The following DMD variants were observed in gnomAD, a reference collection of about 807,000 sequenced individuals.
DMD encodes the protein dystrophin, also known as mutant dystrophin.
A neutral mutation model predicts 330.1 loss-of-function variants in DMD; 63 were observed. That is an observed-to-expected ratio of 0.19 (90% CI 0.16 to 0.24). The LOEUF (loss-of-function observed/expected upper bound fraction) is 0.24. Among genes scored for constraint, DMD ranks in the 10% least tolerant of loss-of-function variants. DMD has a pLI of 1.00. For synonymous variants in DMD, 1,223 were observed against 959.8 expected (o/e 1.27, Z -5.07); for missense variants, 3,344 against 2,684.1 (o/e 1.25, Z -5.43).
At chrX:31,575,559 T>G (rs781471304) in intron 55 of DMD, among the ~76,000 whole-genome samples, 1 of 112,054 alleles carries the variant, frequency 8.9e-6, no homozygotes, top group African/African-American at 3.2e-5. Context: ...TGAGTACATA[T>G]TTTAGAGTTT....
intron 2 of DMD, among the ~76,000 whole-genome samples, chrX:32,973,749 T>C (rs1336099170): frequency 3.6e-5 from 4 of 112,017 alleles, no homozygotes; most frequent in Non-Finnish European, 5.6e-5. Flanking sequence ...AAAGTAATTG[T>C]TTTAAACTGC....
chrX:32,669,813 T>A (rs1334340121), intron 9 of DMD, among the ~76,000 whole-genome samples: 1 of 111,151 alleles, frequency 9.0e-6, no homozygotes, highest in Non-Finnish European at 1.9e-5. Flanking sequence ...AACCTGCCAA[T>A]GCCCTTCTCT....
At chrX:31,554,614 A>T (rs1032417316) in intron 55 of DMD, among the ~76,000 whole-genome samples, 2 of 111,380 alleles carry the variant, frequency 1.8e-5, no homozygotes, top group Non-Finnish European at 3.8e-5. Flanking sequence ...ATTATTTTTT[A>T]TTTTTTCCCC....
chrX:32,007,233 A>C (rs960434031), intron 44 of DMD, among the ~76,000 whole-genome samples: 1 of 105,626 alleles, frequency 9.5e-6, no homozygotes, highest in Admixed American at 1.0e-4. Flanking sequence ...AATAATAATA[A>C]TAATAATAAT....
chrX:32,881,755 C>T (rs973224070), intron 2 of DMD, among the ~76,000 whole-genome samples: 28 of 111,998 alleles, frequency 2.5e-4, no homozygotes, highest in Admixed American at 7.6e-4. Flanking sequence ...GACATATTAG[C>T]ACTCATGCTG....
chrX:32,560,616 T>A (rs756390296), intron 16 of DMD, among the ~76,000 whole-genome samples: 7 of 110,895 alleles, frequency 6.3e-5, no homozygotes, highest in Non-Finnish European at 1.3e-4. Flanking sequence ...CAGGCCCCAG[T>A]GTGTGTTGTT....
chrX:32,259,555 T>C (rs375101766), intron 43 of DMD, among the ~76,000 whole-genome samples: 1 of 89,144 alleles, frequency 1.1e-5, no homozygotes, highest in East Asian at 3.3e-4. Context: ...GATATTATTA[T>C]ATTAAATTTA....
chrX:32,055,224 T>C (rs1436272125), intron 44 of DMD, among the ~76,000 whole-genome samples: 2 of 111,510 alleles, frequency 1.8e-5, no homozygotes, highest in African/African-American at 6.5e-5. Flanking sequence ...CACTAGATTA[T>C]CACTGAAATT....
At chrX:32,786,086 A>AGTGTGT (rs368269067) in intron 7 of DMD, among the ~76,000 whole-genome samples, 3,777 of 96,496 alleles carry the variant, frequency 0.039, 150 homozygotes, top group African/African-American at 0.11. Flanking sequence ...GAGGAATAAG[A>AGTGTGT]GTGTGTGTGT....
chrX:32,806,305 T>C (rs1301606635), intron 7 of DMD, among the ~76,000 whole-genome samples: 2 of 108,514 alleles, frequency 1.8e-5, no homozygotes, highest in Non-Finnish European at 3.8e-5. Flanking sequence ...TCTGATAAAA[T>C]AGACTTTAAA....
chrX:31,765,266 G>T, intron 51 of DMD, among the ~76,000 whole-genome samples: 1 of 111,616 alleles, frequency 9.0e-6, no homozygotes, highest in Non-Finnish European at 1.9e-5. Context: ...AATCACAATT[G>T]ATCAGTTGAT....
chrX:33,144,652 A>G (rs959211111), intron 1 of DMD, among the ~76,000 whole-genome samples: 2 of 111,892 alleles, frequency 1.8e-5, no homozygotes, highest in Non-Finnish European at 3.8e-5. Context: ...AGTGTATGCA[A>G]CTAAGATGAT....
At chrX:32,917,509 T>A (rs1334575946) in intron 2 of DMD, among the ~76,000 whole-genome samples, 1 of 111,604 alleles carries the variant, frequency 9.0e-6, no homozygotes, top group Non-Finnish European at 1.9e-5. Flanking sequence ...ACATAGGAAA[T>A]CAAATGAGAA....
intron 47 of DMD, among the ~76,000 whole-genome samples, chrX:31,896,319 T>C (rs2094331655): frequency 9.0e-6 from 1 of 111,691 alleles, no homozygotes; most frequent in South Asian, 3.7e-4. Context: ...GGGGAAAGAG[T>C]AAATTATTTT....
chrX:32,846,141 T>C lies in DMD; in HGVS notation c.187-1281A>G, dbSNP rs1457271108. On this transcript the variant is annotated intron_variant, in intron 3 of 78. Coordinates refer to ENST00000357033, the MANE Select transcript of DMD (RefSeq NM_004006.3). Reference sequence around the variant, plus strand: ...CATAAATATTATTGACTTCGTAGTATGTGCCAAGTACTTTGAATGCACTAC... The same window carrying C: ...CATAAATATTATTGACTTCGTAGTACGTGCCAAGTACTTTGAATGCACTAC... Among the ~76,000 whole-genome samples the C allele has an allele frequency of 3.6e-5, 4 of 112,187 alleles. No individual in the cohort carries two copies. In the Admixed American group the frequency reaches 3.8e-4, roughly 11 times the overall value.
intron 51 of DMD, among the ~76,000 whole-genome samples, chrX:31,746,924 T>C (rs779296037): frequency 9.0e-6 from 1 of 111,637 alleles, no homozygotes; most frequent in Admixed American, 9.6e-5. Context: ...GAAAAAGTGC[T>C]TAACAACTAG....
At chrX:31,273,771 G>A (rs2051862314) in intron 62 of DMD, among the ~76,000 whole-genome samples, 1 of 111,485 alleles carries the variant, frequency 9.0e-6, no homozygotes, top group South Asian at 3.8e-4. Flanking sequence ...TTATAGCAAA[G>A]GCATGAAGAT....
At chrX:32,730,149 G>A (rs932986960) in intron 7 of DMD, among the ~76,000 whole-genome samples, 1 of 111,608 alleles carries the variant, frequency 9.0e-6, no homozygotes, top group Non-Finnish European at 1.9e-5. Flanking sequence ...CCGGGGCAAT[G>A]AAGCAAGACC....
At chrX:32,298,514 C>CATATAT (rs57786574) in intron 42 of DMD, among the ~76,000 whole-genome samples, 1,238 of 104,475 alleles carry the variant, frequency 0.012, 48 homozygotes, top group African/African-American at 0.045. Flanking sequence ...ATATAAAAGG[C>CATATAT]ATATATATAT....
Sources: gnomAD v4.1 joint callset for allele counts (sites outside exome capture counted in the v4.1 genomes callset) on GRCh38, gnomAD v4.1.1 for gene constraint, MANE v1.5 for transcripts, NCBI Gene and HGNC (gene_info 2026-07-23, HGNC 2026-07-21) for gene names.